The following MDH1 variants were observed in gnomAD, a reference collection of about 807,000 sequenced individuals.
MDH1 encodes malate dehydrogenase 1.
Under a neutral mutation model 38.7 loss-of-function variants are expected in MDH1, and 15 were observed. The observed-to-expected ratio is 0.39, with a 90% CI of 0.26 to 0.60. The LOEUF (loss-of-function observed/expected upper bound fraction) is 0.60, where lower values mean the gene tolerates loss of function less well. MDH1 is among the 20% of genes least tolerant of loss of function. The probability of loss-of-function intolerance (pLI) is 0.56; values close to 1 mark genes in which losing one functional copy is unlikely to be tolerated. For missense variants in MDH1, 368 were observed against 405.2 expected (o/e 0.91, Z 0.79); for synonymous variants, 144 against 143.6 (o/e 1.00, Z -0.02).
At chr2:63,602,046 CT>C (rs943812090) in intron 5 of MDH1, among the ~76,000 whole-genome samples, 6 of 152,332 alleles carry the variant, frequency 3.9e-5, no homozygotes, top group African/African-American at 1.4e-4. Context: ...CAACTGTGAA[CT>C]AATTTGTGGA....
chr2:63,603,447 A>C (rs1380879759), intron 5 of MDH1, among the ~76,000 whole-genome samples: 1 of 152,170 alleles, frequency 6.6e-6, no homozygotes, highest in African/African-American at 2.4e-5. Context: ...TTTTTGGGAC[A>C]CAGAGGAAGG....
In MDH1 at chr2:63,605,230, T is replaced by C. The variant is rs775430886; in HGVS notation, c.676-50T>C. On this transcript the variant is annotated intron_variant, in intron 6 of 8. Transcript: ENST00000233114. ...GGTCGACTTGGAATTAATGAAAACT[T>C]TGCTATCATGACCAAGTAATACTGC... 2.4e-6 allele frequency: 3 copies of C among 1,227,206 alleles called. No individual in the cohort carries two copies. In the African/African-American group the frequency reaches 4.5e-5, roughly 18 times the overall value. The allele number at this position is 1,227,206 out of a possible 1,614,324, so 76.0% of individuals were successfully genotyped here.
intron 4 of MDH1, among the ~76,000 whole-genome samples, chr2:63,598,362 C>T (rs889004715): frequency 6.6e-6 from 1 of 152,154 alleles, no homozygotes; most frequent in African/African-American, 2.4e-5. Flanking sequence ...CTCCTGACCT[C>T]AGGTGATCCA....
chr2:63,604,863 A>G lies in MDH1; in HGVS notation c.666A>G (p.Glu222=). The change falls in exon 6 of 9, where the codon GAA becomes GAG. Residue 222 remains glutamate (E), a synonymous_variant. Transcript: ENST00000233114. ...AAGATGACAGCTGGCTCAAGGGAGA[A>G]TTTGTCACGGTAAGAAAAATCTGTG... is the stretch of plus-strand genomic sequence containing the variant. ...ALKDDSWLKG[E]FVTTVQQRGA... 1.9e-6 allele frequency: 3 copies of G among 1,614,136 alleles called. No homozygotes were observed. The highest frequency in any genetic ancestry group is 2.5e-6 in the Non-Finnish European group (3 of 1,180,018).
intron 5 of MDH1, 190 bp downstream of exon 5, chr2:63,599,482 G>C (rs1360199442): frequency 2.2e-6 from 1 of 455,376 alleles, no homozygotes; most frequent in Non-Finnish European, 3.7e-6. Context: ...TCTCTTAAAG[G>C]ACCAGAGGCT....
At position 63,599,166 on chromosome 2, in the gene MDH1, C is replaced by G; in HGVS notation, c.376-4C>G. 6.2e-7 allele frequency: 1 copy of G among 1,613,098 alleles called. No individual in the cohort carries two copies. ...AACTCTTCAGTGCCTTCCATTCCTC[C>G]TAGGTTATTGTTGTGGGTAATCCAG... On this transcript the variant is annotated splice_region_variant and splice_polypyrimidine_tract_variant and intron_variant, in intron 4 of 8. Transcript: ENST00000233114.
chr2:63,594,260 T>A (rs1709259443), intron 1 of MDH1: 1 of 623,912 alleles, frequency 1.6e-6, no homozygotes, highest in South Asian at 1.4e-5. Flanking sequence ...GTGGATAAGA[T>A]TATGTAAGTA....
In MDH1 at chr2:63,607,174, A is replaced by G; in HGVS notation, c.*187A>G. 2.6e-6 allele frequency: 1 copy of G among 386,212 alleles called. No individual in the cohort carries two copies. Among genetic ancestry groups the G allele is most frequent in the Admixed American group, 4.4e-5 (1 of 22,534 alleles). The allele number at this position is 386,212 out of a possible 1,614,324, so 23.9% of individuals were successfully genotyped here. A position where few individuals can be genotyped will look rare whatever the true frequency, so the allele number is the denominator to read the frequency against. On this transcript the variant is annotated 3_prime_UTR_variant, in exon 9 of 9. Coordinates refer to ENST00000233114, the MANE Select transcript of MDH1 (RefSeq NM_005917.4). ...TCGTCATGCTGTTAGTGTGCATTCT[A>G]AATAAATATATATTCAAATGAAAGT...
At chr2:63,593,506 C>T (rs755226323) in intron 1 of MDH1, 5 of 468,524 alleles carry the variant, frequency 1.1e-5, no homozygotes, top group South Asian at 3.1e-5. Context: ...AAGAAGCCTT[C>T]GAGGCTATCC....
At chr2:63,600,685 G>A (rs1465802098) in intron 5 of MDH1, among the ~76,000 whole-genome samples, 1 of 152,142 alleles carries the variant, frequency 6.6e-6, no homozygotes, top group African/African-American at 2.4e-5. Context: ...TTAGAGGGTT[G>A]TTGGATAACA....
At chr2:63,601,174 C>G (rs949671960) in intron 5 of MDH1, among the ~76,000 whole-genome samples, 1 of 152,206 alleles carries the variant, frequency 6.6e-6, no homozygotes, top group African/African-American at 2.4e-5. Context: ...GCATGTCAAT[C>G]TGGCATAGTG....
intron 5 of MDH1, among the ~76,000 whole-genome samples, chr2:63,602,011 T>A (rs1418379869): frequency 6.6e-6 from 1 of 152,190 alleles, no homozygotes; most frequent in Non-Finnish European, 1.5e-5. Flanking sequence ...GCTAAGCAGA[T>A]CAATAGCTGG....
intron 1 of MDH1, among the ~76,000 whole-genome samples, chr2:63,594,076 T>C (rs936933103): frequency 2.0e-5 from 3 of 152,198 alleles, no homozygotes; most frequent in Non-Finnish European, 4.4e-5. Context: ...AATGGAAAGT[T>C]TTAGCCTCTT....
chr2:63,599,044 T>C, intron 4 of MDH1, 126 bp from the exon 5 acceptor site: 1 of 752,056 alleles, frequency 1.3e-6, no homozygotes, highest in East Asian at 2.9e-5. Flanking sequence ...TGCTATATTG[T>C]ATTTGGTGTT....
intron 5 of MDH1, among the ~76,000 whole-genome samples, chr2:63,602,347 GTTTTTTTTTTT>G (rs144884000): frequency 9.6e-6 from 1 of 104,004 alleles, no homozygotes; most frequent in African/African-American, 3.7e-5. Context: ...GTTGGTTGGG[GTTTTTTTTTTT>G]TTTTTTTTTT....
chr2:63,602,200 A>G (rs1015305692), intron 5 of MDH1, among the ~76,000 whole-genome samples: 3 of 152,238 alleles, frequency 2.0e-5, no homozygotes, highest in African/African-American at 7.2e-5. Context: ...AAGCAGTCTC[A>G]ACTAGTTTAA....
chr2:63,604,803 G>T lies in MDH1; in HGVS notation c.606G>T (p.Leu202Phe). ...ATGTCAACCATGCCAAGGTGAAATT[G>T]CAAGGAAAGGAAGTTGGTGTTTATG... ...YPDVNHAKVK[L>F]QGKEVGVYEA... Residue 202 changes from leucine to phenylalanine, a missense_variant, in exon 6 of 9, where the codon TTG (leucine) becomes TTT (phenylalanine). Physicochemically the swap from Leu to Phe is conservative, Grantham distance 22 (BLOSUM62 0). Coordinates refer to ENST00000233114, the MANE Select transcript of MDH1 (RefSeq NM_005917.4). 1.2e-6 allele frequency: 2 copies of T among 1,614,174 alleles called. No individual in the cohort carries two copies. The highest frequency in any genetic ancestry group is 1.7e-6 in the Non-Finnish European group (2 of 1,180,024).
At position 63,589,344 on chromosome 2, in the gene MDH1, A is replaced by G. The variant is rs1251234820; in HGVS notation, c.3+298A>G. ...GAGGACAAAATGCGACGCTGCAGCT[A>G]TTTTCCAAAGGACGTTACGGTGTTT... On this transcript the variant is annotated intron_variant, in intron 1 of 8. Coordinates refer to ENST00000233114, the MANE Select transcript of MDH1 (RefSeq NM_005917.4). The G allele has an allele frequency of 4.5e-6, 7 of 1,550,432 alleles. No individual in the cohort carries two copies. Among genetic ancestry groups the G allele is most frequent in the Admixed American group, 2.0e-5 (1 of 50,982 alleles).
chr2:63,592,528 A>G (rs1187958926), intron 1 of MDH1, among the ~76,000 whole-genome samples: 1 of 152,002 alleles, frequency 6.6e-6, no homozygotes, highest in Non-Finnish European at 1.5e-5. Flanking sequence ...TTGTTTTTTT[A>G]AGAGACAGGG....
Sources: gnomAD v4.1 joint callset for allele counts (sites outside exome capture counted in the v4.1 genomes callset) on GRCh38, gnomAD v4.1.1 for gene constraint, MANE v1.5 for transcripts, NCBI Gene and HGNC (gene_info 2026-07-23, HGNC 2026-07-21) for gene names.